PKNOX2: variants seen among roughly 807,000 people sequenced by gnomAD.
PKNOX2 encodes homeobox protein PKNOX2.
PKNOX2 carries 14 observed loss-of-function variants against 53.1 expected under a neutral mutation model. The ratio of observed to expected loss-of-function variants is 0.26; its 90% confidence interval spans 0.17 to 0.41. The LOEUF is 0.41. Among genes scored for constraint, PKNOX2 ranks in the 10% least tolerant of loss-of-function variants. The probability of loss-of-function intolerance (pLI) is 1.00; values close to 1 mark genes in which losing one functional copy is unlikely to be tolerated. For missense variants in PKNOX2, 496 were observed against 602.8 expected, an observed-to-expected ratio of 0.82 and a Z score of 1.85; for synonymous variants, 257 against 242.8, an observed-to-expected ratio of 1.06 and a Z score of -0.54.
rs536886387 is a variant in PKNOX2 at position 125,286,328 on chromosome 11, C to A, written c.-129-45491C>A. Among the ~76,000 whole-genome samples, 4 of 152,330 alleles carry A rather than the reference C, an allele frequency of 2.6e-5. No homozygotes were observed. In the South Asian group the frequency reaches 8.3e-4, roughly 32 times the overall value. On this transcript the variant is annotated intron_variant, in intron 2 of 12. Transcript: ENST00000298282. Reference sequence around the variant, plus strand: ...AAGGTTTAATAACTCAAATCATACCCTAAAGGTATTAGGAAGTTCTCACTG... The same window carrying A: ...AAGGTTTAATAACTCAAATCATACCATAAAGGTATTAGGAAGTTCTCACTG...
In PKNOX2 at chr11:125,318,566, G is replaced by A. The variant is rs144198283; in HGVS notation, c.-129-13253G>A. Reference sequence around the variant, plus strand: ...TCCAGACCATTCAAACGTTTACCACGTCAGCAATAAGACTGTCTCACTCAC... The same window carrying A: ...TCCAGACCATTCAAACGTTTACCACATCAGCAATAAGACTGTCTCACTCAC... On this transcript the variant is annotated intron_variant, in intron 2 of 12. Coordinates refer to ENST00000298282, the MANE Select transcript of PKNOX2 (RefSeq NM_001382323.2). 4.7e-3 allele frequency among the ~76,000 whole-genome samples: 714 copies of A among 152,260 alleles called. 4 individuals carry two copies. The highest frequency in any genetic ancestry group is 6.8e-3 in the Non-Finnish European group (462 of 68,018).
At chr11:125,239,599 T>A (rs532327829) in intron 2 of PKNOX2, 1 of 152,254 alleles carries the variant, frequency 6.6e-6, no homozygotes. Context: ...CTTCTTCACA[T>A]GCTCTTTCCT....
At chr11:125,284,811 C>T (rs1324969404) in intron 2 of PKNOX2, among the ~76,000 whole-genome samples, 2 of 152,122 alleles carry the variant, frequency 1.3e-5, no homozygotes, top group Non-Finnish European at 2.9e-5. Flanking sequence ...TCATTGGGCC[C>T]CCCTGCTGTC....
chr11:125,238,736 CCCTTTTG>C (rs1443719543), intron 2 of PKNOX2, among the ~76,000 whole-genome samples: 1 of 152,092 alleles, frequency 6.6e-6, no homozygotes, highest in Non-Finnish European at 1.5e-5. Context: ...CTATTCTGTC[CCCTTTTG>C]TGAAACTTAG....
rs191842550 is a variant in PKNOX2, at chr11:125,396,790, G to A, written c.400-1084G>A. 3.9e-5 allele frequency among the ~76,000 whole-genome samples: 6 copies of A among 152,238 alleles called. No homozygotes were observed. The East Asian group carries it at 7.7e-4, about 20-fold the overall frequency. On this transcript the variant is annotated intron_variant, in intron 6 of 12. Coordinates refer to ENST00000298282, the MANE Select transcript of PKNOX2 (RefSeq NM_001382323.2). ...GTTTACTCCATATCCATATGTGTTC[G>A]TGCTGAAGATAACATGGTGAGCAAA...
chr11:125,421,995 T>C (rs1956198087), intron 10 of PKNOX2, among the ~76,000 whole-genome samples: 2 of 152,114 alleles, frequency 1.3e-5, no homozygotes, highest in Non-Finnish European at 2.9e-5. Context: ...CAGGGTTTGG[T>C]TGGAGAAGCT....
intron 4 of PKNOX2, among the ~76,000 whole-genome samples, chr11:125,359,946 A>G (rs1332620900): frequency 1.3e-5 from 2 of 152,044 alleles, no homozygotes; most frequent in Non-Finnish European, 2.9e-5. Flanking sequence ...CTGGTCTCGA[A>G]CTCCCGACCT....
chr11:125,200,590 G>A (rs115142160), intron 1 of PKNOX2, among the ~76,000 whole-genome samples: 22 of 152,234 alleles, frequency 1.4e-4, no homozygotes, highest in Admixed American at 3.3e-4. Flanking sequence ...GCCTCCCGCC[G>A]GTTCCCAACC....
At chr11:125,427,935 C>T (rs1025014443) in intron 10 of PKNOX2, among the ~76,000 whole-genome samples, 4 of 152,160 alleles carry the variant, frequency 2.6e-5, no homozygotes, top group African/African-American at 4.8e-5. Flanking sequence ...AATGGGGTCA[C>T]GACTCTCTTC....
At chr11:125,357,276 C>G (rs1449992859) in intron 4 of PKNOX2, among the ~76,000 whole-genome samples, 2 of 152,186 alleles carry the variant, frequency 1.3e-5, no homozygotes, top group Admixed American at 6.5e-5. Flanking sequence ...CCAACTTACT[C>G]AAGACCTGGA....
intron 6 of PKNOX2, among the ~76,000 whole-genome samples, chr11:125,389,196 AAAAC>A (rs71462898): frequency 1.8e-4 from 28 of 151,486 alleles, no homozygotes; most frequent in South Asian, 8.3e-4. Flanking sequence ...CTCCATTTCA[AAAAC>A]AAACAAACAA....
Position 125,431,275 on chromosome 11 carries a change from A to AGAGGAT in PKNOX2, c.1312_1317dup (p.Asp438_Glu439dup). 6.2e-7 allele frequency: 1 copy of AGAGGAT among 1,613,720 alleles called. No individual in the cohort carries two copies. Among genetic ancestry groups the AGAGGAT allele is most frequent in the Non-Finnish European group, 8.5e-7 (1 of 1,179,918 alleles). On this transcript the variant is annotated inframe_insertion, in exon 13 of 13. Coordinates refer to ENST00000298282, the MANE Select transcript of PKNOX2 (RefSeq NM_001382323.2). ...ATGACTCATTGGATGGGACAGAAGAAGAGGATGAGGATGAGATGGAAGAGG... is the reference window on the plus strand; with the variant it reads ...ATGACTCATTGGATGGGACAGAAGAAGAGGATGAGGATGAGGATGAGATGGAAGAGG...
At chr11:125,185,404 A>G (rs1956392604) in intron 1 of PKNOX2, among the ~76,000 whole-genome samples, 1 of 152,090 alleles carries the variant, frequency 6.6e-6, no homozygotes, top group African/African-American at 2.4e-5. Context: ...ACCATTTTCA[A>G]GTGTGCAATT....
intron 1 of PKNOX2, among the ~76,000 whole-genome samples, chr11:125,192,184 G>A (rs577807058): frequency 2.2e-4 from 33 of 152,058 alleles, no homozygotes; most frequent in Non-Finnish European, 2.9e-4. Flanking sequence ...TCTGAGTCTC[G>A]CTTTTTCTCA....
At chr11:125,190,975 GTCTC>G (rs1481505328) in intron 1 of PKNOX2, 3 of 152,318 alleles carry the variant, frequency 2.0e-5, no homozygotes, top group East Asian at 3.9e-4. Flanking sequence ...TCATATGCCT[GTCTC>G]CACAGTGAAA....
At chr11:125,173,934 C>T (rs982130334) in intron 1 of PKNOX2, among the ~76,000 whole-genome samples, 10 of 152,184 alleles carry the variant, frequency 6.6e-5, no homozygotes, top group African/African-American at 1.9e-4. Flanking sequence ...TCTCTGGGTT[C>T]CAGCGTAGCA....
At chr11:125,247,505 G>A (rs1943649829) in intron 2 of PKNOX2, among the ~76,000 whole-genome samples, 2 of 152,174 alleles carry the variant, frequency 1.3e-5, no homozygotes, top group Non-Finnish European at 2.9e-5. Context: ...TTGTCTGCAG[G>A]GCAGATTATG....
At chr11:125,173,186 G>A (rs770511556) in intron 1 of PKNOX2, among the ~76,000 whole-genome samples, 2 of 152,232 alleles carry the variant, frequency 1.3e-5, no homozygotes, top group Non-Finnish European at 2.9e-5. Flanking sequence ...ACATCTGTAA[G>A]TGGTTGGCAC....
intron 4 of PKNOX2, among the ~76,000 whole-genome samples, chr11:125,351,605 C>G (rs1318840276): frequency 6.6e-6 from 1 of 152,186 alleles, no homozygotes; most frequent in Non-Finnish European, 1.5e-5. Context: ...GGTTCAGACC[C>G]CAGGAGCTAG....
Sources: allele counts gnomAD v4.1 joint callset (sites outside exome capture counted in the v4.1 genomes callset), GRCh38; gene constraint gnomAD v4.1.1; transcripts MANE v1.5; gene names NCBI Gene and HGNC (gene_info 2026-07-23, HGNC 2026-07-21).